GALNTL6: variants seen among roughly 807,000 people sequenced by gnomAD.
GALNTL6 encodes the protein polypeptide N-acetylgalactosaminyltransferase like 6, also known as polypeptide N-acetylgalactosaminyltransferase-like 6.
GALNTL6 carries 46 observed loss-of-function variants against 73.7 expected under a neutral mutation model. That is an observed-to-expected ratio of 0.62 (90% CI 0.49 to 0.80). The LOEUF is 0.80. GALNTL6 is among the 30% of genes least tolerant of loss of function. The pLI is 0.00. For synonymous variants in GALNTL6, 259 were observed against 263.7 expected (o/e 0.98, Z 0.17); for missense variants, 604 against 755.0 (o/e 0.80, Z 2.34).
At chr4:172,343,358 T>C (rs897142035) in intron 4 of GALNTL6, among the ~76,000 whole-genome samples, 2 of 152,162 alleles carry the variant, frequency 1.3e-5, no homozygotes, top group Non-Finnish European at 2.9e-5. Context: ...CATGAAAGTT[T>C]TAAGATCTCC....
intron 5 of GALNTL6, among the ~76,000 whole-genome samples, chr4:172,437,978 A>G (rs1040208946): frequency 2.0e-5 from 3 of 151,696 alleles, no homozygotes; most frequent in African/African-American, 7.3e-5. Context: ...AACCATTTTC[A>G]CTCCTTTCTT....
At chr4:172,606,116 T>C (rs1290446041) in intron 5 of GALNTL6, among the ~76,000 whole-genome samples, 1 of 152,116 alleles carries the variant, frequency 6.6e-6, no homozygotes, top group Non-Finnish European at 1.5e-5. Context: ...GCAATGAGAC[T>C]GAGAAAGACC....
At chr4:172,912,864 C>G (rs1747288476) in intron 8 of GALNTL6, among the ~76,000 whole-genome samples, 1 of 152,152 alleles carries the variant, frequency 6.6e-6, no homozygotes, top group South Asian at 2.1e-4. Context: ...TTGAAGAGAG[C>G]AGTGGTTCTC....
At chr4:171,876,023 T>C (rs1021720622) in intron 2 of GALNTL6, among the ~76,000 whole-genome samples, 4 of 152,268 alleles carry the variant, frequency 2.6e-5, no homozygotes, top group African/African-American at 9.6e-5. Flanking sequence ...AGGAAAATAA[T>C]ATTACCCTAC....
At chr4:172,520,320 A>G (rs1734735605) in intron 5 of GALNTL6, among the ~76,000 whole-genome samples, 2 of 151,874 alleles carry the variant, frequency 1.3e-5, no homozygotes, top group South Asian at 4.1e-4. Context: ...ATTGTAATGT[A>G]CAAAGGATAA....
intron 2 of GALNTL6, among the ~76,000 whole-genome samples, chr4:171,925,514 A>G (rs1737949615): frequency 6.6e-6 from 1 of 152,202 alleles, no homozygotes; most frequent in Non-Finnish European, 1.5e-5. Flanking sequence ...GGTGTCTAAG[A>G]CATCCCGCTG....
intron 3 of GALNTL6, among the ~76,000 whole-genome samples, chr4:172,302,394 AATCCCC>A (rs1460051134): frequency 1.3e-5 from 2 of 152,132 alleles, no homozygotes; most frequent in Non-Finnish European, 2.9e-5. Context: ...ACTGTCCGAC[AATCCCC>A]AGTGAGATGC....
chr4:172,076,872 A>G (rs1421984205), intron 2 of GALNTL6, among the ~76,000 whole-genome samples: 1 of 152,196 alleles, frequency 6.6e-6, no homozygotes, highest in African/African-American at 2.4e-5. Context: ...CTCATGTGGA[A>G]TTGGAGGAGA....
intron 5 of GALNTL6, among the ~76,000 whole-genome samples, chr4:172,608,258 A>G (rs76964675): frequency 0.031 from 4,717 of 151,978 alleles, 114 homozygotes; most frequent in South Asian, 0.087. Context: ...ACTTTTTATG[A>G]TTTTAGGTTT....
At chr4:172,542,524 A>T (rs896901445) in intron 5 of GALNTL6, among the ~76,000 whole-genome samples, 1 of 152,092 alleles carries the variant, frequency 6.6e-6, no homozygotes, top group African/African-American at 2.4e-5. Context: ...CTCTTGTATC[A>T]TCAGGACCGC....
intron 5 of GALNTL6, among the ~76,000 whole-genome samples, chr4:172,672,648 CT>C (rs1732054670): frequency 1.8e-4 from 2 of 11,120 alleles, no homozygotes; most frequent in South Asian, 7.2e-3. Context: ...TGGTCCTGGG[CT>C]TTTTGTTTTT....
At chr4:171,981,999 T>C (rs562234583) in intron 2 of GALNTL6, among the ~76,000 whole-genome samples, 2 of 152,204 alleles carry the variant, frequency 1.3e-5, no homozygotes, top group East Asian at 3.9e-4. Flanking sequence ...TTTGAATAGA[T>C]GATAATTTGG....
At chr4:172,924,114 A>C (rs1015184721) in intron 8 of GALNTL6, among the ~76,000 whole-genome samples, 3 of 152,172 alleles carry the variant, frequency 2.0e-5, no homozygotes, top group Non-Finnish European at 4.4e-5. Context: ...TGAAAACTTC[A>C]AGAAAAAATC....
intron 5 of GALNTL6, among the ~76,000 whole-genome samples, chr4:172,673,474 A>G (rs1732106869): frequency 6.6e-6 from 1 of 152,164 alleles, no homozygotes. Context: ...AGTTCTGTAG[A>G]TATCTATCAT....
At chr4:172,414,454 C>T (rs1744550205) in intron 5 of GALNTL6, among the ~76,000 whole-genome samples, 1 of 151,860 alleles carries the variant, frequency 6.6e-6, no homozygotes, top group Admixed American at 6.6e-5. Flanking sequence ...TTTAGCATCC[C>T]CAGATGCTAA....
At chr4:172,903,789 T>C (rs532207344) in intron 8 of GALNTL6, among the ~76,000 whole-genome samples, 2 of 152,298 alleles carry the variant, frequency 1.3e-5, no homozygotes, top group South Asian at 2.1e-4. Flanking sequence ...CGGGGGTTTG[T>C]TGTATTACTT....
intron 5 of GALNTL6, among the ~76,000 whole-genome samples, chr4:172,593,025 TC>T (rs1737711943): frequency 6.6e-6 from 1 of 151,870 alleles, no homozygotes; most frequent in African/African-American, 2.4e-5. Flanking sequence ...ATTAAGTGCT[TC>T]CCCCGGGTTG....
chr4:172,069,423 T>TAA lies in GALNTL6; in HGVS notation c.139-160232_139-160231dup, dbSNP rs1307612713. Among the ~76,000 whole-genome samples the TAA allele has an allele frequency of 2.1e-5, 2 of 95,068 alleles. 1 individual carries two copies. The allele number at this position is 95,068 out of a possible 152,430, so 62.4% of individuals were successfully genotyped here. A position where few individuals can be genotyped will look rare whatever the true frequency, so the allele number is the denominator to read the frequency against. ...ATATATAACACATATATGTTATATA[T>TAA]AACACACATATAACATATATATGTA... On this transcript the variant is annotated intron_variant, in intron 2 of 12. Coordinates refer to ENST00000506823, the MANE Select transcript of GALNTL6 (RefSeq NM_001034845.3).
At chr4:172,796,419 ATAAGT>A (rs1291217261) in intron 5 of GALNTL6, among the ~76,000 whole-genome samples, 1 of 152,208 alleles carries the variant, frequency 6.6e-6, no homozygotes, top group Non-Finnish European at 1.5e-5. Flanking sequence ...TGAGGATTAA[ATAAGT>A]TAATACATGA....
Sources: gnomAD v4.1 joint callset for allele counts (sites outside exome capture counted in the v4.1 genomes callset) on GRCh38, gnomAD v4.1.1 for gene constraint, MANE v1.5 for transcripts, NCBI Gene and HGNC (gene_info 2026-07-23, HGNC 2026-07-21) for gene names.